Variants in GRM5 observed in about 807,000 individuals in gnomAD.
The protein encoded by GRM5 is glutamate metabotropic receptor 5.
Under a neutral mutation model 83.1 loss-of-function variants are expected in GRM5, and 19 were observed. The observed-to-expected ratio is 0.23, with a 90% CI of 0.16 to 0.34. The LOEUF is 0.34. GRM5 is among the 10% of genes least tolerant of loss of function. The pLI, the probability that GRM5 is intolerant of heterozygous loss-of-function variation, is 1.00. For synonymous variants in GRM5, 675 were observed against 633.6 expected (o/e 1.07, Z -0.98); for missense variants, 1,160 against 1,588.3 (o/e 0.73, Z 4.58).
rs1281749958 is a variant in GRM5 at position 88,816,082 on chromosome 11, G to A, written c.911+33824C>T. Among the ~76,000 whole-genome samples the A allele has an allele frequency of 1.6e-4, 24 of 147,200 alleles. 1 individual carries two copies. The South Asian group carries it at 3.2e-3, about 20-fold the overall frequency. ...CAAAAAATTAGCCGGGCGCGATGGC[G>A]GGCGCCTGTAGTCCCAGCTACTCGG... On this transcript the variant is annotated intron_variant, in intron 3 of 9. Transcript: ENST00000305447.
chr11:88,625,193 C>T (rs560458583), intron 4 of GRM5, among the ~76,000 whole-genome samples: 12 of 152,166 alleles, frequency 7.9e-5, no homozygotes, highest in African/African-American at 2.9e-4. Flanking sequence ...CTCAAGGGTG[C>T]CGAAGTTCCA....
Position 88,509,184 on chromosome 11 carries a change from G to A in GRM5, c.3047C>T (p.Pro1016Leu), listed in dbSNP as rs1254689342. 2.0e-6 allele frequency: 3 copies of A among 1,534,454 alleles called. No homozygotes were observed. The highest frequency in any genetic ancestry group is 1.2e-5 in the South Asian group (1 of 83,108). The stretch of plus-strand genomic sequence containing the variant: ...CGTGCTGATGGGCGACGGTGAGCGC[G>A]GCCGCGCGGGCGCCGGGAAGTGCTC... The part of the protein sequence containing the change: ...AEEHFPAPAR[P>L]RSPSPISTLS... The change falls in exon 10 of 10, where the codon CCG (proline) becomes CTG (leucine). Residue 1016 changes from proline (P) to leucine (L), a missense_variant. Transcript: ENST00000305447.
intron 2 of GRM5, among the ~76,000 whole-genome samples, chr11:88,941,826 C>T (rs1189390260): frequency 6.6e-6 from 1 of 151,874 alleles, no homozygotes; most frequent in African/African-American, 2.4e-5. Flanking sequence ...TACAACATCA[C>T]CAATAGCATA....
rs1251650528 is a variant in GRM5 at position 88,864,428 on chromosome 11, T to C, written c.662-14273A>G. Among the ~76,000 whole-genome samples the C allele has an allele frequency of 2.0e-5, 3 of 151,944 alleles. No individual in the cohort carries two copies. The South Asian group carries it at 6.2e-4, about 32-fold the overall frequency. The stretch of plus-strand genomic sequence containing the variant: ...ATTCTTAGGTATTTTATTCCCTTTG[T>C]AGCAATTGTGAATGGGAGTTCACTC... On this transcript the variant is annotated intron_variant, in intron 2 of 9. Coordinates refer to ENST00000305447, the MANE Select transcript of GRM5 (RefSeq NM_001143831.3).
intron 2 of GRM5, among the ~76,000 whole-genome samples, chr11:89,014,728 C>T (rs184461741): frequency 2.6e-5 from 4 of 152,068 alleles, no homozygotes; most frequent in Non-Finnish European, 4.4e-5. Context: ...AATGGATACC[C>T]CATTTTCCAG....
At chr11:89,034,155 T>G (rs1178494452) in intron 2 of GRM5, among the ~76,000 whole-genome samples, 1 of 151,728 alleles carries the variant, frequency 6.6e-6, no homozygotes, top group African/African-American at 2.4e-5. Flanking sequence ...TAAAGTTGTA[T>G]GCTATATCTG....
chr11:89,053,222 C>G (rs1941796456), intron 1 of GRM5, among the ~76,000 whole-genome samples: 1 of 151,986 alleles, frequency 6.6e-6, no homozygotes, highest in South Asian at 2.1e-4. Context: ...TTATCTAGTA[C>G]AAGTGTATTT....
intron 2 of GRM5, among the ~76,000 whole-genome samples, chr11:88,877,237 G>GCTAATTACCCTGGTA (rs1565273088): frequency 3.9e-5 from 6 of 151,940 alleles, no homozygotes; most frequent in Non-Finnish European, 8.8e-5. Flanking sequence ...TATTTGAGGT[G>GCTAATTACCCTGGTA]AATAATATGC....
At chr11:88,736,893 C>G (rs1229042104) in intron 3 of GRM5, among the ~76,000 whole-genome samples, 1 of 151,988 alleles carries the variant, frequency 6.6e-6, no homozygotes, top group African/African-American at 2.4e-5. Flanking sequence ...AGGTCTGACC[C>G]CTATGCTAAG....
chr11:88,819,374 T>TTGAAAAATTAAAAAATAG, intron 3 of GRM5, among the ~76,000 whole-genome samples: 1 of 152,344 alleles, frequency 6.6e-6, no homozygotes, highest in South Asian at 2.1e-4. Context: ...AGAATATTTT[T>TTGAAAAATTAAAAAATAG]CAGTTGCTAT....
intron 2 of GRM5, among the ~76,000 whole-genome samples, chr11:89,014,922 A>G (rs981018893): frequency 6.6e-6 from 1 of 152,216 alleles, no homozygotes; most frequent in Admixed American, 6.5e-5. Context: ...CATAGTGCCC[A>G]CTGTACGTGT....
chr11:89,039,586 T>C (rs1306024214), intron 2 of GRM5, among the ~76,000 whole-genome samples: 1 of 152,218 alleles, frequency 6.6e-6, no homozygotes, highest in African/African-American at 2.4e-5. Context: ...TCTTGTATTT[T>C]AGTAATTAGC....
At chr11:88,521,642 C>T (rs558797210) in intron 9 of GRM5, among the ~76,000 whole-genome samples, 8 of 152,192 alleles carry the variant, frequency 5.3e-5, no homozygotes, top group Admixed American at 3.9e-4. Flanking sequence ...GGATTCTGCT[C>T]TGAATCACAC....
At chr11:88,704,614 G>C (rs1941111904) in intron 3 of GRM5, among the ~76,000 whole-genome samples, 1 of 152,066 alleles carries the variant, frequency 6.6e-6, no homozygotes, top group Non-Finnish European at 1.5e-5. Context: ...ATGAGTAACT[G>C]CTTGACCCTT....
At chr11:88,696,869 C>CA (rs1444004740) in intron 3 of GRM5, among the ~76,000 whole-genome samples, 1 of 151,832 alleles carries the variant, frequency 6.6e-6, no homozygotes, top group Non-Finnish European at 1.5e-5. Context: ...CACTAAACTC[C>CA]AAAAAAAGAC....
At chr11:88,995,156 AG>A (rs1463366937) in intron 2 of GRM5, among the ~76,000 whole-genome samples, 1 of 152,184 alleles carries the variant, frequency 6.6e-6, no homozygotes, top group Non-Finnish European at 1.5e-5. Context: ...AGGAGAGAAT[AG>A]GAGACAGTTA....
At chr11:88,570,569 A>ATTTTTTTTTT (rs1240457993) in intron 7 of GRM5, among the ~76,000 whole-genome samples, 1 of 73,874 alleles carries the variant, frequency 1.4e-5, no homozygotes, top group African/African-American at 1.1e-4. Flanking sequence ...ATATATATAT[A>ATTTTTTTTTT]TATTTTTTTT....
At chr11:88,985,442 A>G (rs556859305) in intron 2 of GRM5, among the ~76,000 whole-genome samples, 1 of 152,182 alleles carries the variant, frequency 6.6e-6, no homozygotes, top group African/African-American at 2.4e-5. Context: ...GGCACAATTT[A>G]TTGTCTGTGG....
intron 2 of GRM5, among the ~76,000 whole-genome samples, chr11:88,931,170 A>G (rs1308654981): frequency 6.6e-6 from 1 of 151,898 alleles, no homozygotes; most frequent in South Asian, 2.1e-4. Context: ...ATTCAGTGTC[A>G]TTTTTAGTGA....
Sources: allele counts gnomAD v4.1 joint callset (sites outside exome capture counted in the v4.1 genomes callset), GRCh38; gene constraint gnomAD v4.1.1; transcripts MANE v1.5; gene names NCBI Gene and HGNC (gene_info 2026-07-23, HGNC 2026-07-21).